The following HEATR4 variants were observed in gnomAD, a reference collection of about 807,000 sequenced individuals.
The protein encoded by HEATR4 is HEAT repeat containing 4.
In HEATR4, 95 loss-of-function variants were observed where a neutral mutation model predicts 108.8. The observed-to-expected ratio is 0.87, with a 90% CI of 0.74 to 1.04. The LOEUF (loss-of-function observed/expected upper bound fraction) is 1.04, where lower values mean the gene tolerates loss of function less well. Among genes scored for constraint, HEATR4 ranks in the 50% least tolerant of loss-of-function variants. The probability of loss-of-function intolerance (pLI) is 0.00; values close to 1 mark genes in which losing one functional copy is unlikely to be tolerated. For synonymous variants in HEATR4, 443 were observed against 459.4 expected (o/e 0.96, Z 0.46); for missense variants, 1,152 against 1,253.8 (o/e 0.92, Z 1.23).
At chr14:73,609,516 G>A in the HEATR4 span, among the ~76,000 whole-genome samples, 1 of 152,030 alleles carries the variant, frequency 6.6e-6, no homozygotes, top group Non-Finnish European at 1.5e-5. Flanking sequence ...ACCATATATA[G>A]GAGTCAGTGC....
chr14:73,551,019 T>C lies in HEATR4; in HGVS notation c.-152+7732A>G, dbSNP rs1457618992. ...TAAAAATACAAAAATTAGCCGAGTGTGGTGGCATGTGCCTGTAGTCCCAGC... is the reference window on the plus strand; with the variant it reads ...TAAAAATACAAAAATTAGCCGAGTGCGGTGGCATGTGCCTGTAGTCCCAGC... On this transcript the variant is annotated intron_variant, in intron 1 of 17. Transcript: ENST00000553558. Among the ~76,000 whole-genome samples the C allele has an allele frequency of 8.8e-5, 10 of 113,832 alleles. 2 individuals carry two copies. Among genetic ancestry groups the C allele is most frequent in the African/African-American group, 2.9e-4 (10 of 35,068 alleles). 74.7% of individuals were successfully genotyped at this position (113,832 alleles called of 152,430 possible).
the HEATR4 span, among the ~76,000 whole-genome samples, chr14:73,577,502 A>AC: frequency 7.2e-6 from 1 of 139,570 alleles, no homozygotes; most frequent in African/African-American, 2.7e-5. Flanking sequence ...GCCAAGTCCC[A>AC]CCCCAAGATG....
At chr14:73,575,503 C>G in the HEATR4 span, 19 of 1,510,702 alleles carry the variant, frequency 1.3e-5, no homozygotes, top group Non-Finnish European at 7.9e-6. Context: ...ACAATCCCAT[C>G]AAAAGTGTAA....
rs200357086 is a variant in HEATR4, at chr14:73,540,742, CTTTT to C, written c.-151-10502_-151-10499del. On this transcript the variant is annotated intron_variant, in intron 1 of 17. Coordinates refer to ENST00000553558, the MANE Select transcript of HEATR4 (RefSeq NM_001220484.1). ...GTGTTGCCTGTAAGGTGTTTGCATTCTTTTTTTTTTTTTTTTTTTGAGACAGTGT... is the reference window on the plus strand; with the variant it reads ...GTGTTGCCTGTAAGGTGTTTGCATTCTTTTTTTTTTTTTTTGAGACAGTGT... 9.7e-3 allele frequency among the ~76,000 whole-genome samples: 775 copies of C among 79,846 alleles called. 3 individuals are homozygous for C. The highest frequency in any genetic ancestry group is 0.049 in the East Asian group (59 of 1,196). The allele number at this position is 79,846 out of a possible 152,430, so 52.4% of individuals were successfully genotyped here.
chr14:73,572,645 T>C, the HEATR4 span, among the ~76,000 whole-genome samples: 23,179 of 50,246 alleles, frequency 0.46, 3,881 homozygotes, highest in East Asian at 0.59. Context: ...TTGCATTTTT[T>C]TTTTTTTTTT....
chr14:73,550,705 C>T lies in HEATR4; in HGVS notation c.-152+8046G>A, dbSNP rs189236457. ...TGCATGTAAATTTCAAAATATTCTT[C>T]TTCCTTTGCAATAAATTACTCTATG... On this transcript the variant is annotated intron_variant, in intron 1 of 17. Transcript: ENST00000553558. 7.2e-4 allele frequency among the ~76,000 whole-genome samples: 82 copies of T among 114,680 alleles called. 13 individuals are homozygous for T. Among genetic ancestry groups the T allele is most frequent in the African/African-American group, 2.0e-3 (70 of 35,238 alleles). The allele number at this position is 114,680 out of a possible 152,430, so 75.2% of individuals were successfully genotyped here.
the HEATR4 span, among the ~76,000 whole-genome samples, chr14:73,570,513 G>A: frequency 6.6e-6 from 1 of 151,990 alleles, no homozygotes; most frequent in Non-Finnish European, 1.5e-5. Flanking sequence ...AGTTTGTAGT[G>A]AGCTGAGATC....
At chr14:73,622,620 G>A in the HEATR4 span, among the ~76,000 whole-genome samples, 1 of 151,850 alleles carries the variant, frequency 6.6e-6, no homozygotes, top group Non-Finnish European at 1.5e-5. Flanking sequence ...GGCTGGTCTC[G>A]AACTCCTGAC....
chr14:73,495,332 A>T lies in HEATR4; in HGVS notation c.2681T>A (p.Met894Lys). ...LLTHKILKLE[M>K]VMGKVREEAK... ...TTCCTCCCTCACTTTTCCCATGACC[A>T]TCTCCAGCTTGAGTATTTTGTGTGT... The change falls in exon 16 of 18, where the codon ATG becomes AAG. Residue 894 changes from methionine to lysine, a missense_variant. Met to Lys is a moderately conservative substitution (Grantham distance 95). Coordinates refer to ENST00000553558, the MANE Select transcript of HEATR4 (RefSeq NM_001220484.1). The T allele has an allele frequency of 6.2e-7, 1 of 1,614,024 alleles. No homozygotes were observed. The highest frequency in any genetic ancestry group is 1.3e-5 in the African/African-American group (1 of 75,048).
At chr14:73,609,816 T>A in the HEATR4 span, among the ~76,000 whole-genome samples, 2 of 152,004 alleles carry the variant, frequency 1.3e-5, no homozygotes, top group East Asian at 3.9e-4. Context: ...AATTTTTGTA[T>A]TTTTAGTAGA....
the HEATR4 span, chr14:73,619,921 T>C: frequency 7.9e-4 from 763 of 960,530 alleles, no homozygotes; most frequent in Non-Finnish European, 9.1e-4. Flanking sequence ...TCTTTTCTCT[T>C]TTTTTTTTTT....
chr14:73,622,020 C>T, the HEATR4 span, among the ~76,000 whole-genome samples: 1 of 152,036 alleles, frequency 6.6e-6, no homozygotes, highest in African/African-American at 2.4e-5. Flanking sequence ...CCCTAGGCCT[C>T]CCAAAGTGCT....
intron 7 of HEATR4, among the ~76,000 whole-genome samples, chr14:73,509,810 C>CTATATATATATATATATATATA (rs1887091045): frequency 1.6e-5 from 1 of 63,210 alleles, no homozygotes; most frequent in Non-Finnish European, 3.1e-5. Flanking sequence ...CCCCATGAGC[C>CTATATATATATATATATATATA]CATATATATA....
the HEATR4 span, chr14:73,582,536 G>A: frequency 1.3e-4 from 19 of 151,592 alleles, no homozygotes; most frequent in South Asian, 2.1e-4. Context: ...TCTTCATTAG[G>A]GAATTTCCCC....
chr14:73,508,783 T>G (rs1407998404), intron 8 of HEATR4, among the ~76,000 whole-genome samples: 1 of 149,100 alleles, frequency 6.7e-6, no homozygotes, highest in Non-Finnish European at 1.5e-5. Flanking sequence ...AAAAATTTAG[T>G]CCAGCTACCA....
Position 73,555,749 on chromosome 14 carries a change from C to A in HEATR4, c.-152+3002G>T, listed in dbSNP as rs1326205074. 2.0e-4 allele frequency among the ~76,000 whole-genome samples: 23 copies of A among 115,422 alleles called. 4 individuals are homozygous for A. Among genetic ancestry groups the A allele is most frequent in the African/African-American group, 6.4e-4 (23 of 35,804 alleles). The allele number at this position is 115,422 out of a possible 152,430, so 75.7% of individuals were successfully genotyped here. On this transcript the variant is annotated intron_variant, in intron 1 of 17. Transcript: ENST00000553558. ...TAGGTGGGTGGCTCACGCCTGTAAT[C>A]CCAGCACTTTGGGAGGCTGAGGCGG...
chr14:73,607,514 G>A, the HEATR4 span, among the ~76,000 whole-genome samples: 1 of 152,094 alleles, frequency 6.6e-6, no homozygotes, highest in Admixed American at 6.6e-5. Flanking sequence ...GACATGCCCT[G>A]GAGACATTTC....
Position 73,540,431 on chromosome 14 carries a change from A to AT in HEATR4, c.-151-10188_-151-10187insA, listed in dbSNP as rs1443525247. On this transcript the variant is annotated intron_variant, in intron 1 of 17. Transcript: ENST00000553558. Reference sequence around the variant, plus strand: ...CAACATCTATCAAGATATACAAAAGAAAAGAAAAAAATAAAAAAGAATCAA... The same window carrying AT: ...CAACATCTATCAAGATATACAAAAGATAAAGAAAAAAATAAAAAAGAATCAA... Among the ~76,000 whole-genome samples the AT allele has an allele frequency of 2.6e-5, 3 of 113,732 alleles. 1 individual carries two copies. The highest frequency in any genetic ancestry group is 5.7e-5 in the Non-Finnish European group (3 of 52,898). The allele number at this position is 113,732 out of a possible 152,430, so 74.6% of individuals were successfully genotyped here. A position where few individuals can be genotyped will look rare whatever the true frequency, so the allele number is the denominator to read the frequency against.
intron 5 of HEATR4, among the ~76,000 whole-genome samples, chr14:73,518,646 G>A (rs555884047): frequency 6.6e-6 from 1 of 152,104 alleles, no homozygotes; most frequent in Non-Finnish European, 1.5e-5. Context: ...GGAGTGGGAG[G>A]GTAGAGCCAG....
Sources: allele counts gnomAD v4.1 joint callset (sites outside exome capture counted in the v4.1 genomes callset), GRCh38; gene constraint gnomAD v4.1.1; transcripts MANE v1.5; gene names NCBI Gene and HGNC (gene_info 2026-07-23, HGNC 2026-07-21).